SHISA9: variants seen among roughly 807,000 people sequenced by gnomAD.
SHISA9 encodes the protein protein shisa-9.
SHISA9 carries 13 observed loss-of-function variants against 38.0 expected under a neutral mutation model. That is an observed-to-expected ratio of 0.34 (90% confidence interval 0.22 to 0.54). The LOEUF is 0.54. Among genes scored for constraint, SHISA9 ranks in the 20% least tolerant of loss-of-function variants. SHISA9 has a pLI of 0.91. For synonymous variants in SHISA9, 275 were observed against 242.0 expected (o/e 1.14, Z -1.27); for missense variants, 538 against 575.8 (o/e 0.93, Z 0.67).
At chr16:13,408,902 C>T in the SHISA9 span, among the ~76,000 whole-genome samples, 19 of 152,162 alleles carry the variant, frequency 1.2e-4, no homozygotes, top group South Asian at 4.1e-4. Context: ...GGCCGTTTCC[C>T]GGCAAAGGCC....
intron 1 of SHISA9, among the ~76,000 whole-genome samples, chr16:12,905,131 G>GGTGT (rs370762163): frequency 6.6e-6 from 1 of 151,588 alleles, no homozygotes; most frequent in Non-Finnish European, 1.5e-5. Flanking sequence ...ACTGTACTGG[G>GGTGT]GTGTGTGTGT....
At chr16:13,240,699 T>G (rs1368826678), downstream of SHISA9, among the ~76,000 whole-genome samples, 1 of 152,240 alleles carries the variant, frequency 6.6e-6, no homozygotes, top group Non-Finnish European at 1.5e-5. Context: ...TAACTAAATT[T>G]ATTCTTAATG....
At chr16:13,525,648 G>GA in the SHISA9 span, among the ~76,000 whole-genome samples, 91 of 151,978 alleles carry the variant, frequency 6.0e-4, no homozygotes, top group African/African-American at 1.9e-3. Context: ...AAATAAGTGG[G>GA]AAAAAAATCT....
intron 2 of SHISA9, among the ~76,000 whole-genome samples, chr16:13,008,583 G>T (rs915822300): frequency 2.0e-5 from 3 of 149,212 alleles, no homozygotes; most frequent in African/African-American, 5.0e-5. Context: ...GTTTGATAAG[G>T]GTCCGGTGCT....
At chr16:13,383,502 G>A in the SHISA9 span, among the ~76,000 whole-genome samples, 2 of 152,176 alleles carry the variant, frequency 1.3e-5, no homozygotes, top group Non-Finnish European at 2.9e-5. Flanking sequence ...TGCGTGCATA[G>A]GTAGAACATC....
chr16:13,217,429 G>C (rs1461722724), intron 4 of SHISA9, among the ~76,000 whole-genome samples: 1 of 152,202 alleles, frequency 6.6e-6, no homozygotes, highest in East Asian at 1.9e-4. Flanking sequence ...TAAGCCCAGT[G>C]CTACAGCAAG....
chr16:13,069,933 A>T (rs1017359463), intron 2 of SHISA9, among the ~76,000 whole-genome samples: 1 of 152,096 alleles, frequency 6.6e-6, no homozygotes, highest in Non-Finnish European at 1.5e-5. Flanking sequence ...CAGCACTTTA[A>T]TCTTGGTCTT....
intron 2 of SHISA9, among the ~76,000 whole-genome samples, chr16:12,970,481 ATATATATATATATATAT>A (rs2072061292): frequency 9.5e-5 from 2 of 20,956 alleles, no homozygotes; most frequent in African/African-American, 3.5e-4. Flanking sequence ...ATATATATAT[ATATATATATATATATAT>A]TTTTTTTTTT....
At chr16:13,328,494 C>T in the SHISA9 span, among the ~76,000 whole-genome samples, 1 of 151,324 alleles carries the variant, frequency 6.6e-6, no homozygotes, top group Non-Finnish European at 1.5e-5. Flanking sequence ...CTCACTGCCA[C>T]CTCTGCCTCC....
At chr16:13,289,915 C>G in the SHISA9 span, among the ~76,000 whole-genome samples, 1 of 152,162 alleles carries the variant, frequency 6.6e-6, no homozygotes, top group Non-Finnish European at 1.5e-5. Context: ...CTGACTAACA[C>G]TGACATCACT....
the SHISA9 span, among the ~76,000 whole-genome samples, chr16:13,395,280 G>A: frequency 6.6e-5 from 10 of 152,186 alleles, no homozygotes; most frequent in South Asian, 4.1e-4. Context: ...TTCAGGAACC[G>A]TGCAGACTTG....
At chr16:13,197,352 G>C (rs1477534370) in intron 2 of SHISA9, among the ~76,000 whole-genome samples, 1 of 152,136 alleles carries the variant, frequency 6.6e-6, no homozygotes, top group East Asian at 1.9e-4. Flanking sequence ...GTTTCTGACA[G>C]TTAATATTTG....
chr16:13,393,167 C>G, the SHISA9 span, among the ~76,000 whole-genome samples: 1 of 152,158 alleles, frequency 6.6e-6, no homozygotes, highest in African/African-American at 2.4e-5. Flanking sequence ...CTCCTGATAC[C>G]CTCGTGCTCA....
the SHISA9 span, among the ~76,000 whole-genome samples, chr16:13,277,949 T>C: frequency 6.6e-6 from 1 of 152,178 alleles, no homozygotes; most frequent in Non-Finnish European, 1.5e-5. Context: ...TGTCTACTAC[T>C]ATGTTGAAGA....
At chr16:13,491,985 G>A in the SHISA9 span, among the ~76,000 whole-genome samples, 19,368 of 150,864 alleles carry the variant, frequency 0.13, 1,379 homozygotes, top group African/African-American at 0.19. Flanking sequence ...CTAAGGGCTG[G>A]GATTTTAAAC....
intron 2 of SHISA9, among the ~76,000 whole-genome samples, chr16:13,140,181 C>T (rs954322559): frequency 3.0e-4 from 36 of 119,132 alleles, no homozygotes; most frequent in Non-Finnish European, 5.3e-4. Context: ...CTCCCCTTCC[C>T]TTCCCTTTCT....
chr16:13,543,015 T>C, the SHISA9 span, among the ~76,000 whole-genome samples: 1 of 152,216 alleles, frequency 6.6e-6, no homozygotes, highest in Non-Finnish European at 1.5e-5. Context: ...CCTTTGCCAT[T>C]TTCACTGCAG....
the SHISA9 span, among the ~76,000 whole-genome samples, chr16:13,293,756 G>C: frequency 6.6e-6 from 1 of 152,072 alleles, no homozygotes; most frequent in Non-Finnish European, 1.5e-5. Context: ...ATTCTTATTT[G>C]CATCCTTTCC....
At chr16:13,520,726 A>G in the SHISA9 span, among the ~76,000 whole-genome samples, 1 of 149,940 alleles carries the variant, frequency 6.7e-6, no homozygotes, top group Non-Finnish European at 1.5e-5. Context: ...ATGTATGTGG[A>G]GGGGAAGGGG....
Sources: allele counts gnomAD v4.1 joint callset (sites outside exome capture counted in the v4.1 genomes callset), GRCh38; gene constraint gnomAD v4.1.1; transcripts MANE v1.5; gene names NCBI Gene and HGNC (gene_info 2026-07-23, HGNC 2026-07-21).